Variants in CACNA1E observed in about 807,000 individuals in gnomAD.
The protein encoded by CACNA1E is calcium voltage-gated channel subunit alpha1 E.
In CACNA1E, 40 loss-of-function variants were observed where a neutral mutation model predicts 259.2. That is an observed-to-expected ratio of 0.15 (90% CI 0.12 to 0.20). The LOEUF is 0.20. Ranked by LOEUF, CACNA1E falls within the 10% of genes least tolerant of loss-of-function variation. The pLI, the probability that CACNA1E is intolerant of heterozygous loss-of-function variation, is 1.00. For synonymous variants in CACNA1E, 1,104 were observed against 1,138.5 expected (o/e 0.97, Z 0.61); for missense variants, 1,874 against 3,040.1 (o/e 0.62, Z 9.02).
intron 3 of CACNA1E, among the ~76,000 whole-genome samples, chr1:181,567,267 T>C (rs1434706674): frequency 6.6e-6 from 1 of 152,208 alleles, no homozygotes; most frequent in East Asian, 1.9e-4. Flanking sequence ...CTCCTAGAAA[T>C]GGCACAGATC....
rs1303895625 is a variant in CACNA1E at position 181,715,450 on chromosome 1, ATC to A, written c.1225+63_1225+64del. ...CATTTGCCCCTCTTAGGCGATGGCA[ATC>A]TCTGTTATTCAAAAGGAGAGAAAGA... On this transcript the variant is annotated intron_variant, in intron 9 of 47. Transcript: ENST00000367573. 40 of 911,958 alleles carry A rather than the reference ATC, an allele frequency of 4.4e-5. No individual in the cohort carries two copies. In the East Asian group the frequency reaches 4.7e-4, roughly 11 times the overall value. 56.5% of individuals were successfully genotyped at this position (911,958 alleles called of 1,614,324 possible).
At chr1:181,461,799 T>C (rs1317462395) in intron 2 of CACNA1E, among the ~76,000 whole-genome samples, 1 of 152,038 alleles carries the variant, frequency 6.6e-6, no homozygotes, top group African/African-American at 2.4e-5. Context: ...ATTACAAAAG[T>C]ATTTTACATT....
intron 6 of CACNA1E, among the ~76,000 whole-genome samples, chr1:181,618,153 T>C (rs1465572195): frequency 6.6e-6 from 1 of 152,162 alleles, no homozygotes; most frequent in Non-Finnish European, 1.5e-5. Context: ...TATGAATATG[T>C]GAGACAAGGG....
At chr1:181,697,173 A>T (rs1206323083) in intron 7 of CACNA1E, among the ~76,000 whole-genome samples, 2 of 152,230 alleles carry the variant, frequency 1.3e-5, no homozygotes, top group African/African-American at 4.8e-5. Flanking sequence ...CAGGGGAGGA[A>T]ACACACAGGA....
chr1:181,460,554 C>A (rs1661734060), intron 2 of CACNA1E, among the ~76,000 whole-genome samples: 1 of 152,236 alleles, frequency 6.6e-6, no homozygotes, highest in South Asian at 2.1e-4. Context: ...CATAGAGAGA[C>A]TTCAGCTGGG....
At chr1:181,451,646 C>T (rs1661162956) in intron 2 of CACNA1E, among the ~76,000 whole-genome samples, 1 of 152,164 alleles carries the variant, frequency 6.6e-6, no homozygotes, top group Non-Finnish European at 1.5e-5. Context: ...CATGCCACTG[C>T]ACTCCAGTCT....
chr1:181,665,282 T>G lies in CACNA1E; in HGVS notation c.1055+13841T>G, dbSNP rs558400016. 1.9e-3 allele frequency among the ~76,000 whole-genome samples: 293 copies of G among 152,312 alleles called. 1 individual carries two copies. The highest frequency in any genetic ancestry group is 2.8e-3 in the Non-Finnish European group (188 of 67,996). On this transcript the variant is annotated intron_variant, in intron 7 of 47. Coordinates refer to ENST00000367573, the MANE Select transcript of CACNA1E (RefSeq NM_001205293.3). Reference sequence around the variant, plus strand: ...ATGTATATGATGTTTTCTATTCATGTGCAAACTGCAATTCATATACTCCAG... The same window carrying G: ...ATGTATATGATGTTTTCTATTCATGGGCAAACTGCAATTCATATACTCCAG...
chr1:181,327,486 A>T (rs1650888082), intron 1 of CACNA1E, among the ~76,000 whole-genome samples: 1 of 152,234 alleles, frequency 6.6e-6, no homozygotes, highest in Non-Finnish European at 1.5e-5. Flanking sequence ...TTTATATCCA[A>T]CAATTTGTAA....
intron 7 of CACNA1E, among the ~76,000 whole-genome samples, chr1:181,701,375 G>A (rs945869961): frequency 2.8e-4 from 42 of 152,146 alleles, no homozygotes; most frequent in African/African-American, 9.9e-4. Context: ...AGAGTGCTGT[G>A]GGGGGTGTAG....
chr1:181,571,363 C>T, intron 3 of CACNA1E, among the ~76,000 whole-genome samples: 1 of 151,996 alleles, frequency 6.6e-6, no homozygotes. Context: ...TCATCTGGGC[C>T]CTGAGGTCTG....
At chr1:181,780,744 T>C (rs1354251844) in intron 38 of CACNA1E, among the ~76,000 whole-genome samples, 2 of 152,214 alleles carry the variant, frequency 1.3e-5, no homozygotes, top group East Asian at 1.9e-4. Context: ...ACCTGGCACA[T>C]GCTGGGGAAT....
Position 181,798,676 on chromosome 1 carries a change from C to T in CACNA1E, c.6784C>T (p.Arg2262Cys), listed in dbSNP as rs751733559. ...FEAAVATSLG[R>C]SNTIGSAPPL... ...AGCAGCCGTGGCTACTAGCCTGGGC[C>T]GTTCCAACACCATCGGCTCAGCCCC... The change falls in exon 48 of 48, where the codon CGT becomes TGT. Residue 2262 changes from arginine to cysteine, a missense_variant. Physicochemically the swap from Arg to Cys is radical, Grantham distance 180 (BLOSUM62 -3). This residue lies in a region of CACNA1E where 542 missense variants were observed against 587.2 expected (regional missense o/e 0.92). Coordinates refer to ENST00000367573, the MANE Select transcript of CACNA1E (RefSeq NM_001205293.3). This position sits in a 1 kb window ranked among gnomAD's most constrained non-coding sequence, Gnocchi z 4.2. The T allele has an allele frequency of 1.1e-5, 17 of 1,608,746 alleles. No individual in the cohort carries two copies. The highest frequency in any genetic ancestry group is 3.3e-5 in the Admixed American group (2 of 59,718).
At chr1:181,743,564 C>A (rs1656778371) in intron 25 of CACNA1E, among the ~76,000 whole-genome samples, 1 of 152,202 alleles carries the variant, frequency 6.6e-6, no homozygotes, top group South Asian at 2.1e-4. Context: ...CATTCATGAA[C>A]CTCACAGAAC....
chr1:181,689,485 G>A (rs112636798), intron 7 of CACNA1E, among the ~76,000 whole-genome samples: 6,529 of 152,170 alleles, frequency 0.043, 432 homozygotes, highest in African/African-American at 0.15. Context: ...AATCCTTTGG[G>A]TATATACCCA....
At chr1:181,670,464 T>A (rs1213839612) in intron 7 of CACNA1E, among the ~76,000 whole-genome samples, 1 of 152,160 alleles carries the variant, frequency 6.6e-6, no homozygotes, top group Non-Finnish European at 1.5e-5. Flanking sequence ...AAATTACTCT[T>A]TCCTGTTGAA....
chr1:181,617,883 T>A (rs1161414588), intron 6 of CACNA1E, among the ~76,000 whole-genome samples: 1 of 152,228 alleles, frequency 6.6e-6, no homozygotes. Flanking sequence ...TGACTGCTGT[T>A]TTGTCCACAT....
chr1:181,360,811 C>T (rs1653825829), intron 1 of CACNA1E, among the ~76,000 whole-genome samples: 1 of 152,180 alleles, frequency 6.6e-6, no homozygotes, highest in Admixed American at 6.5e-5. Context: ...CAAAATATTT[C>T]TGGACACCCT....
intron 2 of CACNA1E, among the ~76,000 whole-genome samples, chr1:181,471,331 G>T (rs1227891919): frequency 6.6e-6 from 1 of 152,182 alleles, no homozygotes; most frequent in Non-Finnish European, 1.5e-5. Flanking sequence ...CATTTGGCAG[G>T]CCCAGGCTCC....
At chr1:181,331,209 A>G (rs1235895806) in intron 1 of CACNA1E, among the ~76,000 whole-genome samples, 2 of 150,558 alleles carry the variant, frequency 1.3e-5, no homozygotes, top group Non-Finnish European at 3.0e-5. Context: ...GAGAGAATCA[A>G]TAGGAGATAG....
Sources: allele counts gnomAD v4.1 joint callset (sites outside exome capture counted in the v4.1 genomes callset), GRCh38; gene constraint gnomAD v4.1.1; regional missense constraint gnomAD v4.1.1; non-coding constraint Gnocchi (gnomAD v3.1); transcripts MANE v1.5; gene names NCBI Gene and HGNC (gene_info 2026-07-23, HGNC 2026-07-21).